Variants in MDGA2 observed in about 807,000 individuals in gnomAD.
The protein encoded by MDGA2 is MAM domain containing glycosylphosphatidylinositol anchor 2.
MDGA2 carries 40 observed loss-of-function variants against 117.8 expected under a neutral mutation model. That is an observed-to-expected ratio of 0.34 (90% CI 0.26 to 0.44). The LOEUF (loss-of-function observed/expected upper bound fraction) is 0.44. Among genes scored for constraint, MDGA2 ranks in the 20% least tolerant of loss-of-function variants. The pLI, the probability that MDGA2 is intolerant of heterozygous loss-of-function variation, is 1.00. For synonymous variants in MDGA2, 452 were observed against 439.0 expected (o/e 1.03, Z -0.37); for missense variants, 1,123 against 1,250.6 (o/e 0.90, Z 1.54).
chr14:47,023,222 A>G (rs936975124), intron 8 of MDGA2, among the ~76,000 whole-genome samples: 3 of 151,788 alleles, frequency 2.0e-5, no homozygotes. Context: ...AAAAAAGAAA[A>G]AGAAAGAAAG....
At chr14:47,158,363 G>GGGGGGT (rs1555358937) in intron 3 of MDGA2, among the ~76,000 whole-genome samples, 3 of 146,784 alleles carry the variant, frequency 2.0e-5, no homozygotes, top group Admixed American at 2.0e-4. Flanking sequence ...CCCTGGGGTG[G>GGGGGGT]GTGTGTGTGT....
chr14:47,274,188 G>T (rs1004693266), intron 2 of MDGA2, among the ~76,000 whole-genome samples: 3 of 151,926 alleles, frequency 2.0e-5, no homozygotes, highest in African/African-American at 7.3e-5. Flanking sequence ...CCCTCTAAAA[G>T]AAACCCTGTA....
intron 5 of MDGA2, among the ~76,000 whole-genome samples, chr14:47,106,397 G>A (rs4438217): frequency 6.6e-6 from 1 of 151,102 alleles, no homozygotes; most frequent in Non-Finnish European, 1.5e-5. Context: ...AACTTCCAAA[G>A]GCCTGAACCG....
At chr14:47,417,499 C>T (rs766288873) in intron 1 of MDGA2, among the ~76,000 whole-genome samples, 2 of 152,154 alleles carry the variant, frequency 1.3e-5, no homozygotes, top group Non-Finnish European at 2.9e-5. Flanking sequence ...CTCATATGTT[C>T]TTTGAGTTGA....
At chr14:47,040,989 C>T (rs1396235315) in intron 7 of MDGA2, among the ~76,000 whole-genome samples, 1 of 151,906 alleles carries the variant, frequency 6.6e-6, no homozygotes, top group Non-Finnish European at 1.5e-5. Flanking sequence ...AAATAAAAAG[C>T]TATCAAAATA....
At chr14:47,021,701 A>C (rs1888292086) in intron 8 of MDGA2, among the ~76,000 whole-genome samples, 2 of 152,184 alleles carry the variant, frequency 1.3e-5, no homozygotes, top group South Asian at 4.1e-4. Context: ...TATATAAATC[A>C]GAAAATTTTG....
chr14:47,439,642 A>G (rs752974261), intron 1 of MDGA2, among the ~76,000 whole-genome samples: 4 of 152,122 alleles, frequency 2.6e-5, no homozygotes, highest in Non-Finnish European at 5.9e-5. Context: ...AAAGAATGCC[A>G]AATTATTTGT....
At chr14:46,871,065 A>T (rs919622762) in intron 14 of MDGA2, 3 of 151,920 alleles carry the variant, frequency 2.0e-5, no homozygotes, top group Non-Finnish European at 2.9e-5. Flanking sequence ...CATTATTAAC[A>T]AAAAGGAAGA....
intron 10 of MDGA2, 142 bp from the exon 11 acceptor site, chr14:46,882,363 T>C: frequency 3.0e-6 from 2 of 674,088 alleles, no homozygotes; most frequent in Non-Finnish European, 4.6e-6. Flanking sequence ...CAAGTTTCTA[T>C]AATGATAAAC....
At chr14:46,975,051 A>G (rs1318439738) in intron 8 of MDGA2, among the ~76,000 whole-genome samples, 1 of 152,140 alleles carries the variant, frequency 6.6e-6, no homozygotes, top group East Asian at 1.9e-4. Context: ...TTGAACAGAT[A>G]TTTCTCCAGT....
intron 3 of MDGA2, among the ~76,000 whole-genome samples, chr14:47,165,258 T>C (rs1312202906): frequency 6.6e-6 from 1 of 151,510 alleles, no homozygotes; most frequent in East Asian, 1.9e-4. Context: ...AATAAAAAAA[T>C]ACAAAAAAAG....
At chr14:46,847,404 G>T (rs1880883733) in intron 15 of MDGA2, among the ~76,000 whole-genome samples, 2 of 152,142 alleles carry the variant, frequency 1.3e-5, no homozygotes, top group South Asian at 4.1e-4. Context: ...CAAAATGGCA[G>T]CTGTAGTTCA....
In MDGA2 at chr14:47,614,095, CTTTTTTT is replaced by C. The variant is rs768294746; in HGVS notation, c.280+60415_280+60421del. On this transcript the variant is annotated intron_variant, in intron 1 of 16. Transcript: ENST00000399232. ...ATTGGTTATTCTTGTTTTCTTTTTT[CTTTTTTT>C]TTTTTTTTTTGACAGTGTCTCAAAA... Among the ~76,000 whole-genome samples, 920 of 101,676 alleles carry C rather than the reference CTTTTTTT, an allele frequency of 9.0e-3. 6 individuals are homozygous for C. Among genetic ancestry groups the C allele is most frequent in the African/African-American group, 0.02 (522 of 26,562 alleles). 66.7% of individuals were successfully genotyped at this position (101,676 alleles called of 152,430 possible). A position where few individuals can be genotyped will look rare whatever the true frequency, so the allele number is the denominator to read the frequency against.
At chr14:47,068,143 A>T (rs998121001) in intron 6 of MDGA2, among the ~76,000 whole-genome samples, 1 of 152,080 alleles carries the variant, frequency 6.6e-6, no homozygotes, top group African/African-American at 2.4e-5. Flanking sequence ...ACTCAAAGCT[A>T]ATTAGTACAG....
intron 1 of MDGA2, among the ~76,000 whole-genome samples, chr14:47,561,015 T>C (rs987546836): frequency 2.0e-5 from 3 of 152,140 alleles, no homozygotes; most frequent in Non-Finnish European, 4.4e-5. Context: ...GTGTGCAGCA[T>C]TATTTCTGGG....
intron 2 of MDGA2, among the ~76,000 whole-genome samples, chr14:47,256,942 A>C (rs1005592509): frequency 8.6e-5 from 13 of 151,558 alleles, no homozygotes; most frequent in Non-Finnish European, 1.3e-4. Context: ...GGAAGTGAGG[A>C]ATGGAAGAAA....
chr14:47,455,965 C>G (rs1161318353), intron 1 of MDGA2, among the ~76,000 whole-genome samples: 2 of 151,452 alleles, frequency 1.3e-5, no homozygotes, highest in Non-Finnish European at 2.9e-5. Context: ...TCACTGCACT[C>G]CAGCCTGGGC....
chr14:47,054,906 G>T (rs886910496), intron 7 of MDGA2, among the ~76,000 whole-genome samples: 3 of 150,708 alleles, frequency 2.0e-5, no homozygotes, highest in African/African-American at 7.3e-5. Context: ...AACCCTAGAA[G>T]AAAAACTAGG....
At chr14:47,204,328 G>A (rs1476806969) in intron 3 of MDGA2, among the ~76,000 whole-genome samples, 1 of 151,912 alleles carries the variant, frequency 6.6e-6, no homozygotes. Flanking sequence ...TTATTATAAA[G>A]TTATGCAGAA....
Sources: allele counts gnomAD v4.1 joint callset (sites outside exome capture counted in the v4.1 genomes callset), GRCh38; gene constraint gnomAD v4.1.1; transcripts MANE v1.5; gene names NCBI Gene and HGNC (gene_info 2026-07-23, HGNC 2026-07-21).